The following TBC1D12 variants were observed in gnomAD, a reference collection of about 807,000 sequenced individuals.
The protein encoded by TBC1D12 is TBC1 domain family, member 12.
Under a neutral mutation model 86.7 loss-of-function variants are expected in TBC1D12, and 56 were observed. That is an observed-to-expected ratio of 0.65 (90% CI 0.52 to 0.81). The LOEUF is 0.81. Ranked by LOEUF, TBC1D12 falls within the 30% of genes least tolerant of loss-of-function variation. The pLI, the probability that TBC1D12 is intolerant of heterozygous loss-of-function variation, is 0.00. For synonymous variants in TBC1D12, 421 were observed against 411.7 expected (o/e 1.02, Z -0.27); for missense variants, 1,023 against 1,038.8 (o/e 0.98, Z 0.21).
chr10:94,417,048 T>A (rs1045171615), intron 1 of TBC1D12, among the ~76,000 whole-genome samples: 1 of 152,090 alleles, frequency 6.6e-6, no homozygotes, highest in African/African-American at 2.4e-5. Context: ...ACTGATTCAG[T>A]GAGAGGTGGC....
intron 1 of TBC1D12, among the ~76,000 whole-genome samples, chr10:94,406,595 T>C (rs2134043700): frequency 6.6e-6 from 1 of 152,288 alleles, no homozygotes; most frequent in South Asian, 2.1e-4. Context: ...CCTTTTACTG[T>C]GCTCTAGCTA....
At chr10:94,433,480 G>A (rs995715430) in intron 1 of TBC1D12, among the ~76,000 whole-genome samples, 1 of 152,112 alleles carries the variant, frequency 6.6e-6, no homozygotes, top group Non-Finnish European at 1.5e-5. Flanking sequence ...CATTTTAGGT[G>A]TGATTTTAAA....
At chr10:94,528,506 A>C (rs747542954) in intron 11 of TBC1D12, among the ~76,000 whole-genome samples, 8 of 152,202 alleles carry the variant, frequency 5.3e-5, no homozygotes, top group Non-Finnish European at 8.8e-5. Context: ...GAGATGGAGC[A>C]GTTGATCTTA....
intron 1 of TBC1D12, among the ~76,000 whole-genome samples, chr10:94,413,298 T>A (rs1327505869): frequency 6.6e-6 from 1 of 152,206 alleles, no homozygotes; most frequent in Non-Finnish European, 1.5e-5. Flanking sequence ...ATCTTTTATT[T>A]TCATTTTATG....
intron 1 of TBC1D12, among the ~76,000 whole-genome samples, chr10:94,413,027 C>G (rs2054947120): frequency 6.6e-6 from 1 of 152,202 alleles, no homozygotes; most frequent in African/African-American, 2.4e-5. Context: ...CCGACTATAA[C>G]CACTGAAATA....
chr10:94,437,405 G>A (rs576961559), intron 1 of TBC1D12, among the ~76,000 whole-genome samples: 7 of 151,582 alleles, frequency 4.6e-5, no homozygotes, highest in Admixed American at 6.6e-5. Context: ...GGCTCACTGC[G>A]AGCTCCGCCT....
chr10:94,412,831 A>G (rs1360746555), intron 1 of TBC1D12, among the ~76,000 whole-genome samples: 2 of 152,216 alleles, frequency 1.3e-5, no homozygotes, highest in Non-Finnish European at 2.9e-5. Context: ...ATCTTCAGAT[A>G]GTTATGGCTG....
intron 1 of TBC1D12, among the ~76,000 whole-genome samples, chr10:94,430,825 CTA>C (rs1166646809): frequency 1.3e-5 from 2 of 152,154 alleles, no homozygotes; most frequent in African/African-American, 4.8e-5. Flanking sequence ...TCTTTTTCAA[CTA>C]TATGTTTTCA....
intron 1 of TBC1D12, among the ~76,000 whole-genome samples, chr10:94,424,011 A>G (rs1204929091): frequency 6.6e-6 from 1 of 152,232 alleles, no homozygotes; most frequent in Non-Finnish European, 1.5e-5. Context: ...TCCCTAAAAA[A>G]TATAACTATT....
intron 1 of TBC1D12, among the ~76,000 whole-genome samples, chr10:94,416,944 A>G (rs1332469972): frequency 6.6e-6 from 1 of 152,222 alleles, no homozygotes; most frequent in Non-Finnish European, 1.5e-5. Flanking sequence ...GATTGCCTCT[A>G]GGGTGCATGA....
In TBC1D12 at chr10:94,403,053, G is replaced by T; in HGVS notation, c.440G>T (p.Arg147Leu). 6.4e-7 allele frequency: 1 copy of T among 1,551,110 alleles called. No individual in the cohort carries two copies. Among genetic ancestry groups the T allele is most frequent in the African/African-American group, 1.4e-5 (1 of 70,172 alleles). Reference sequence around the variant, plus strand: ...GGTTTTCTGCCGGGCCGGGACTGTCGCGATCTGGAAGAGGCTCGCGGGCTG... The same window carrying T: ...GGTTTTCTGCCGGGCCGGGACTGTCTCGATCTGGAAGAGGCTCGCGGGCTG... ...DSGFLPGRDC[R>L]DLEEARGLAR... The change falls in exon 1 of 13, where the codon CGC becomes CTC. Residue 147 changes from arginine to leucine, a missense_variant. Coordinates refer to ENST00000225235, the MANE Select transcript of TBC1D12 (RefSeq NM_015188.2).
intron 2 of TBC1D12, among the ~76,000 whole-genome samples, chr10:94,457,818 G>C (rs2055651124): frequency 6.6e-6 from 1 of 151,692 alleles, no homozygotes; most frequent in Admixed American, 6.6e-5. Context: ...TTTTTTTAGT[G>C]GTTGTCCTGG....
intron 1 of TBC1D12, among the ~76,000 whole-genome samples, chr10:94,407,636 C>T (rs550909908): frequency 2.0e-5 from 3 of 149,652 alleles, no homozygotes; most frequent in Middle Eastern, 3.5e-3. Context: ...GAGCTGAGAT[C>T]GTGGCACTGC....
At chr10:94,525,590 G>A (rs1842266088) in intron 11 of TBC1D12, among the ~76,000 whole-genome samples, 1 of 146,568 alleles carries the variant, frequency 6.8e-6, no homozygotes. Context: ...AACCCAGGAG[G>A]CCAAGGTTGC....
chr10:94,422,556 G>T (rs947446742), intron 1 of TBC1D12, among the ~76,000 whole-genome samples: 7 of 151,592 alleles, frequency 4.6e-5, no homozygotes, highest in Admixed American at 4.6e-4. Flanking sequence ...TCTTTTTCTG[G>T]ACTCCTATCA....
At chr10:94,432,093 T>G (rs2055224263) in intron 1 of TBC1D12, among the ~76,000 whole-genome samples, 1 of 152,096 alleles carries the variant, frequency 6.6e-6, no homozygotes, top group Non-Finnish European at 1.5e-5. Context: ...TTTAAGAAAT[T>G]TTAATATTTT....
rs760244892 is a variant in TBC1D12, at chr10:94,402,759, C to CGGAGGAGGCTGACGAGGA, written c.172_189dup (p.Ala58_Glu63dup). 1.7e-3 allele frequency: 2,608 copies of CGGAGGAGGCTGACGAGGA among 1,550,360 alleles called. 10 individuals carry two copies. The highest frequency in any genetic ancestry group is 5.8e-3 in the South Asian group (491 of 84,478). ...GGAGGCGTCGGCGCTGTGGAGCCGC[C>CGGAGGAGGCTGACGAGGA]GGAGGAGGCTGACGAGGAGGAGGAG... On this transcript the variant is annotated inframe_insertion, in exon 1 of 13. Coordinates refer to ENST00000225235, the MANE Select transcript of TBC1D12 (RefSeq NM_015188.2).
At chr10:94,426,495 G>A (rs540774135) in intron 1 of TBC1D12, among the ~76,000 whole-genome samples, 1 of 152,264 alleles carries the variant, frequency 6.6e-6, no homozygotes, top group East Asian at 1.9e-4. Flanking sequence ...ACTTTCAAGT[G>A]TTGAATGAGC....
At chr10:94,490,467 A>G (rs372263072) in intron 3 of TBC1D12, among the ~76,000 whole-genome samples, 1 of 152,056 alleles carries the variant, frequency 6.6e-6, no homozygotes, top group Non-Finnish European at 1.5e-5. Context: ...TATAACAGCT[A>G]TTTTATCATC....
Sources: gnomAD v4.1 joint callset for allele counts (sites outside exome capture counted in the v4.1 genomes callset) on GRCh38, gnomAD v4.1.1 for gene constraint, MANE v1.5 for transcripts, NCBI Gene and HGNC (gene_info 2026-07-23, HGNC 2026-07-21) for gene names.